FGF13: variants seen among roughly 807,000 people sequenced by gnomAD.
FGF13 encodes the protein fibroblast growth factor homologous factor 2.
FGF13 carries 2 observed loss-of-function variants against 19.5 expected under a neutral mutation model. That is an observed-to-expected ratio of 0.10 (90% CI 0.04 to 0.32). The LOEUF (loss-of-function observed/expected upper bound fraction) is 0.32, where lower values mean the gene tolerates loss of function less well. FGF13 is among the 10% of genes least tolerant of loss of function. FGF13 has a pLI of 1.00. For synonymous variants in FGF13, 72 were observed against 76.9 expected (o/e 0.94, Z 0.33); for missense variants, 113 against 192.7 (o/e 0.59, Z 2.45).
intron 1 of FGF13, among the ~76,000 whole-genome samples, chrX:139,149,713 A>AAAAAG (rs1393019904): frequency 1.8e-5 from 2 of 112,316 alleles, no homozygotes; most frequent in Non-Finnish European, 3.8e-5. Context: ...ATTAATTGGA[A>AAAAAG]ATCTGTGGTC....
intron 1 of FGF13, among the ~76,000 whole-genome samples, chrX:139,065,481 C>CAAAAAAAAAAAA (rs767805587): frequency 3.8e-3 from 113 of 30,096 alleles, no homozygotes; most frequent in Non-Finnish European, 4.7e-3. Flanking sequence ...AAACGGAAAG[C>CAAAAAAAAAAAA]AAAAAAAAAA....
intron 1 of FGF13, among the ~76,000 whole-genome samples, chrX:139,182,781 A>G (rs1341369794): frequency 1.8e-5 from 2 of 112,192 alleles, no homozygotes; most frequent in Non-Finnish European, 3.8e-5. Context: ...TTCTACCAGT[A>G]AAGGCCTTCT....
rs751081700 is a variant in FGF13, at chrX:139,034,844, C to G, written c.-113+168572G>C. Among the ~76,000 whole-genome samples, 6 of 111,765 alleles carry G rather than the reference C, an allele frequency of 5.4e-5. No homozygotes were observed. The East Asian group carries it at 1.7e-3, about 32-fold the overall frequency. ...TTTAAATTTCCTTTTTCTTTACTTT[C>G]CAAAGCTATTGGTAATAATTCTTCA... On this transcript the variant is annotated intron_variant, in intron 1 of 2. Transcript: ENST00000421460.
intron 1 of FGF13, among the ~76,000 whole-genome samples, chrX:138,952,847 T>A (rs1157371484): frequency 3.6e-4 from 40 of 110,980 alleles, no homozygotes; most frequent in Non-Finnish European, 6.4e-4. Context: ...TCACTGGCCA[T>A]CAGAGAAATG....
At chrX:138,881,428 A>C (rs762202270) in intron 1 of FGF13, among the ~76,000 whole-genome samples, 14 of 111,904 alleles carry the variant, frequency 1.3e-4, no homozygotes, top group Non-Finnish European at 2.4e-4. Context: ...GCCTCAGTGA[A>C]TGAATTAGGA....
intron 1 of FGF13, among the ~76,000 whole-genome samples, chrX:139,181,515 C>T (rs375169471): frequency 2.7e-5 from 3 of 112,545 alleles, no homozygotes; most frequent in Non-Finnish European, 3.8e-5. Flanking sequence ...AAATTGAGGG[C>T]GGTTGAGACT....
intron 1 of FGF13, among the ~76,000 whole-genome samples, chrX:139,079,055 T>C (rs775553978): frequency 1.8e-5 from 2 of 112,351 alleles, no homozygotes; most frequent in South Asian, 7.4e-4. Flanking sequence ...TTAGGACAGA[T>C]GTGATCTACA....
intron 1 of FGF13, among the ~76,000 whole-genome samples, chrX:138,894,676 C>T (rs908264723): frequency 4.0e-4 from 44 of 109,950 alleles, no homozygotes; most frequent in African/African-American, 1.4e-3. Context: ...AATAGCCTAC[C>T]AACCAAAAAA....
Position 138,842,445 on chromosome X carries a change from G to C in FGF13, c.217+15067C>G, listed in dbSNP as rs561736389. Among the ~76,000 whole-genome samples the C allele has an allele frequency of 5.4e-5, 6 of 110,808 alleles. No individual in the cohort carries two copies. The South Asian group carries it at 2.3e-3, about 42-fold the overall frequency. ...AATAGCTGAGATAAGTTAAAGGTTTGAGAAGGGCAGGGGAAGGATCAGGAA... is the reference window on the plus strand; with the variant it reads ...AATAGCTGAGATAAGTTAAAGGTTTCAGAAGGGCAGGGGAAGGATCAGGAA... On this transcript the variant is annotated intron_variant, in intron 3 of 6. Coordinates refer to the FGF13 transcript ENST00000436198.
chrX:138,951,905 C>T (rs1052268638), intron 1 of FGF13, among the ~76,000 whole-genome samples: 4 of 110,998 alleles, frequency 3.6e-5, no homozygotes, highest in African/African-American at 1.3e-4. Context: ...AAATGACAAA[C>T]CACTGCTCAA....
intron 1 of FGF13, among the ~76,000 whole-genome samples, chrX:139,192,065 G>A (rs1001219753): frequency 9.0e-6 from 1 of 111,722 alleles, no homozygotes; most frequent in African/African-American, 3.3e-5. Context: ...GGCAGGACTG[G>A]CAATAAGATA....
chrX:139,014,141 C>T (rs2092143099), intron 1 of FGF13, among the ~76,000 whole-genome samples: 1 of 110,867 alleles, frequency 9.0e-6, no homozygotes, highest in Non-Finnish European at 1.9e-5. Flanking sequence ...GCTATAAGTG[C>T]CTACATCAAA....
chrX:138,812,100 C>T (rs2090930522), intron 3 of FGF13, among the ~76,000 whole-genome samples: 1 of 111,325 alleles, frequency 9.0e-6, no homozygotes, highest in African/African-American at 3.3e-5. Context: ...CCTGCAAGCA[C>T]TAACCTACCA....
chrX:138,749,468 C>A (rs181337561), intron 3 of FGF13, among the ~76,000 whole-genome samples: 102 of 111,207 alleles, frequency 9.2e-4, no homozygotes, highest in African/African-American at 3.0e-3. Context: ...GCCTACCTAC[C>A]AAATCTAGCC....
chrX:139,089,620 T>G (rs1373880789), intron 1 of FGF13, among the ~76,000 whole-genome samples: 1 of 111,808 alleles, frequency 8.9e-6, no homozygotes, highest in Admixed American at 9.5e-5. Context: ...CCTCAGTTTC[T>G]TCATCTCAAC....
intron 3 of FGF13, among the ~76,000 whole-genome samples, chrX:138,665,392 C>T (rs957349473): frequency 9.0e-6 from 1 of 111,525 alleles, no homozygotes; most frequent in Non-Finnish European, 1.9e-5. Flanking sequence ...AGTGTCCTTA[C>T]TGCAAGTGTT....
intron 1 of FGF13, among the ~76,000 whole-genome samples, chrX:139,046,143 G>A (rs1047490616): frequency 8.6e-5 from 9 of 105,008 alleles, no homozygotes; most frequent in Middle Eastern, 5.0e-3. Flanking sequence ...TGGCTTCTAC[G>A]GGGGCCTCAG....
chrX:138,967,095 A>G (rs1416607962), intron 1 of FGF13, among the ~76,000 whole-genome samples: 4 of 110,793 alleles, frequency 3.6e-5, no homozygotes, highest in Non-Finnish European at 7.5e-5. Flanking sequence ...GTATGTCCTT[A>G]TAGCAGCCTG....
chrX:138,900,189 T>C (rs943417958), intron 1 of FGF13, among the ~76,000 whole-genome samples: 1 of 111,275 alleles, frequency 9.0e-6, no homozygotes, highest in Non-Finnish European at 1.9e-5. Flanking sequence ...CTCAGCTGCA[T>C]TTACATACCA....
Sources: gnomAD v4.1 joint callset for allele counts (sites outside exome capture counted in the v4.1 genomes callset) on GRCh38, gnomAD v4.1.1 for gene constraint, MANE v1.5 for transcripts, NCBI Gene and HGNC (gene_info 2026-07-23, HGNC 2026-07-21) for gene names.